LRRK2: variants seen among roughly 807,000 people sequenced by gnomAD.
LRRK2 encodes the protein leucine-rich repeat serine/threonine-protein kinase 2.
In LRRK2, 203 loss-of-function variants were observed where a neutral mutation model predicts 302.6. The observed-to-expected ratio is 0.67, with a 90% CI of 0.60 to 0.75. LRRK2 has a LOEUF of 0.75. LRRK2 is among the 30% of genes least tolerant of loss of function. LRRK2 has a pLI of 0.00. For missense variants in LRRK2, 2,830 were observed against 2,951.0 expected (o/e 0.96, Z 0.95); for synonymous variants, 1,066 against 1,031.9 (o/e 1.03, Z -0.63).
chr12:40,356,287 A>T, intron 46 of LRRK2, 100 bp downstream of exon 46: 3 of 809,042 alleles, frequency 3.7e-6, no homozygotes, highest in Non-Finnish European at 5.9e-6. Flanking sequence ...CCTGAGAGCA[A>T]GAATCATAAA....
chr12:40,354,985 C>T (rs1946481885), intron 45 of LRRK2, among the ~76,000 whole-genome samples: 1 of 152,028 alleles, frequency 6.6e-6, no homozygotes, highest in African/African-American at 2.4e-5. Context: ...TTATCAATTG[C>T]AGGGTTCTTG....
Position 40,351,661 on chromosome 12 carries a change from G to C in LRRK2, c.6504G>C (p.Trp2168Cys), listed in dbSNP as rs1417488307. Residue 2168 changes from tryptophan (W) to cysteine (C), a missense_variant, in exon 44 of 51, where the codon TGG (tryptophan) becomes TGC (cysteine). Physicochemically the swap from Trp to Cys is radical, Grantham distance 215. Around this residue, in one of 3 missense-constraint regions of LRRK2, gnomAD observed 456 missense variants for 456.3 expected, o/e 1.00. Transcript: ENST00000298910. Reference sequence around the variant, plus strand: ...ACAACAGCAGGAATGCAAGCATTTGGCTGGGCTGTGGGCACACCGACAGAG... The same window carrying C: ...ACAACAGCAGGAATGCAAGCATTTGCCTGGGCTGTGGGCACACCGACAGAG... ...THHNSRNASIWLGCGHTDRGQ... is the reference protein window; with the variant it reads ...THHNSRNASICLGCGHTDRGQ... 1 of 1,614,154 alleles carries C rather than the reference G, an allele frequency of 6.2e-7. No homozygotes were observed. Among genetic ancestry groups the C allele is most frequent in the Non-Finnish European group, 8.5e-7 (1 of 1,180,026 alleles).
chr12:40,324,621 A>T (rs1592289517), intron 38 of LRRK2, among the ~76,000 whole-genome samples: 1 of 152,334 alleles, frequency 6.6e-6, no homozygotes, highest in East Asian at 1.9e-4. Flanking sequence ...GTCAGTCAGG[A>T]CATAATATTA....
At chr12:40,231,228 G>A (rs1195346770) in intron 2 of LRRK2, among the ~76,000 whole-genome samples, 1 of 151,790 alleles carries the variant, frequency 6.6e-6, no homozygotes, top group African/African-American at 2.4e-5. Flanking sequence ...TTAAATATGT[G>A]GAGGAAATTC....
At chr12:40,334,319 A>T (rs1236683326) in intron 39 of LRRK2, among the ~76,000 whole-genome samples, 1 of 152,222 alleles carries the variant, frequency 6.6e-6, no homozygotes, top group East Asian at 1.9e-4. Context: ...GAACTTAAAA[A>T]TTTAATTCTG....
At chr12:40,263,625 C>A (rs553077464) in intron 13 of LRRK2, among the ~76,000 whole-genome samples, 164 bp from the exon 14 acceptor site, 1 of 152,030 alleles carries the variant, frequency 6.6e-6, no homozygotes, top group Non-Finnish European at 1.5e-5. Context: ...TTTATAGATT[C>A]CTTAAAATTT....
intron 7 of LRRK2, among the ~76,000 whole-genome samples, chr12:40,244,613 G>A (rs1287739346): frequency 6.6e-6 from 1 of 151,162 alleles, no homozygotes; most frequent in Non-Finnish European, 1.5e-5. Context: ...TATCAATATT[G>A]TTCACAGGAT....
At chr12:40,241,116 G>A (rs1402827776) in intron 6 of LRRK2, among the ~76,000 whole-genome samples, 1 of 152,218 alleles carries the variant, frequency 6.6e-6, no homozygotes, top group Non-Finnish European at 1.5e-5. Flanking sequence ...GAAGACAAAA[G>A]TAGCTCAGTA....
rs756260099 is a variant in LRRK2 at position 40,299,143 on chromosome 12, C to A, written c.3382C>A (p.Leu1128Met). The change falls in exon 25 of 51, where the codon CTG becomes ATG. Residue 1128 changes from leucine to methionine, a missense_variant. Physicochemically the swap from Leu to Met is conservative, Grantham distance 15 (BLOSUM62 2). Around this residue, in one of 3 missense-constraint regions of LRRK2, gnomAD observed 2,121 missense variants for 2,148.0 expected, o/e 0.99. Transcript: ENST00000298910. ...KISGICSPLRLKELKILNLSK... is the reference protein window; with the variant it reads ...KISGICSPLRMKELKILNLSK... ...ATCAGGGATATGCTCCCCCTTGAGA[C>A]TGAAGGAACTGAAGATTTTAAACCT... The A allele has an allele frequency of 1.2e-6, 2 of 1,613,186 alleles. No individual in the cohort carries two copies. The highest frequency in any genetic ancestry group is 4.5e-5 in the East Asian group (2 of 44,800).
intron 32 of LRRK2, 68 bp from the exon 33 acceptor site, chr12:40,315,144 T>A: frequency 7.5e-7 from 1 of 1,340,808 alleles, no homozygotes; most frequent in Non-Finnish European, 1.1e-6. Context: ...TGGACTAGAT[T>A]TTTTCTAAAG....
intron 41 of LRRK2, among the ~76,000 whole-genome samples, chr12:40,342,919 T>A (rs1345641258): frequency 3.0e-4 from 46 of 152,216 alleles, no homozygotes; most frequent in Non-Finnish European, 5.4e-4. Context: ...TGTGCTGGGC[T>A]TGTGCTTAGC....
intron 46 of LRRK2, among the ~76,000 whole-genome samples, chr12:40,356,906 G>A (rs1260738239): frequency 6.6e-6 from 1 of 152,120 alleles, no homozygotes. Flanking sequence ...AGGGTATTTA[G>A]GATATCCATC....
rs570875693 is a variant in LRRK2 at position 40,320,228 on chromosome 12, T to G, written c.5015+53T>G. 88 of 1,438,308 alleles carry G rather than the reference T, an allele frequency of 6.1e-5. No homozygotes were observed. The African/African-American group carries it at 9.0e-4, about 15-fold the overall frequency. 89.1% of individuals were successfully genotyped at this position (1,438,308 alleles called of 1,614,324 possible). On this transcript the variant is annotated intron_variant, in intron 34 of 50. Coordinates refer to ENST00000298910, the MANE Select transcript of LRRK2 (RefSeq NM_198578.4). ...CTACATGGAAATTCACTATCTATTC[T>G]TTTAATTGTCAAACTAACTGTAGTC... is the stretch of plus-strand genomic sequence containing the variant.
chr12:40,365,349 A>G lies in LRRK2; in HGVS notation c.7390+299A>G, dbSNP rs1024246874. On this transcript the variant is annotated intron_variant, in intron 49 of 50. Coordinates refer to ENST00000298910, the MANE Select transcript of LRRK2 (RefSeq NM_198578.4). Reference sequence around the variant, plus strand: ...ATGGGAAATACATGGTATTGAATATATTTTACTTTTTGAGCAAAGAAAATA... The same window carrying G: ...ATGGGAAATACATGGTATTGAATATGTTTTACTTTTTGAGCAAAGAAAATA... 4 of 276,930 alleles carry G rather than the reference A, an allele frequency of 1.4e-5. No homozygotes were observed. The South Asian group carries it at 2.0e-4, about 14-fold the overall frequency. The allele number at this position is 276,930 out of a possible 1,614,324, so 17.2% of individuals were successfully genotyped here. A position where few individuals can be genotyped will look rare whatever the true frequency, so the allele number is the denominator to read the frequency against.
At chr12:40,330,826 T>C (rs1251878103) in intron 39 of LRRK2, among the ~76,000 whole-genome samples, 1 of 152,184 alleles carries the variant, frequency 6.6e-6, no homozygotes, top group Non-Finnish European at 1.5e-5. Context: ...TCAAGTTTTA[T>C]CTATAATTTG....
At chr12:40,281,195 A>T (rs1943682236) in intron 18 of LRRK2, among the ~76,000 whole-genome samples, 1 of 152,190 alleles carries the variant, frequency 6.6e-6, no homozygotes, top group Admixed American at 6.5e-5. Flanking sequence ...ACTTTACACA[A>T]TTTAATCCTT....
chr12:40,240,769 C>T, intron 6 of LRRK2, 152 bp downstream of exon 6: 2 of 871,554 alleles, frequency 2.3e-6, no homozygotes, highest in Non-Finnish European at 1.8e-6. Context: ...TTTACATTCA[C>T]TGACATTATA....
At chr12:40,322,607 G>A in intron 37 of LRRK2, 97 bp downstream of exon 37, 1 of 1,103,366 alleles carries the variant, frequency 9.1e-7, no homozygotes. Flanking sequence ...CATAAGGGAT[G>A]AGTTGAAAAA....
chr12:40,300,854 A>T, intron 25 of LRRK2: 1 of 471,176 alleles, frequency 2.1e-6, no homozygotes, highest in South Asian at 1.5e-5. Context: ...TCTGATTCAG[A>T]CTGTGGAGTC....
Sources: allele counts gnomAD v4.1 joint callset (sites outside exome capture counted in the v4.1 genomes callset), GRCh38; gene constraint gnomAD v4.1.1; regional missense constraint gnomAD v4.1.1; transcripts MANE v1.5; gene names NCBI Gene and HGNC (gene_info 2026-07-23, HGNC 2026-07-21).